MMP2: variants seen among roughly 807,000 people sequenced by gnomAD.
MMP2 encodes the protein 72 kDa type IV collagenase.
A neutral mutation model predicts 74.8 loss-of-function variants in MMP2; 39 were observed. The observed-to-expected ratio is 0.52, with a 90% confidence interval of 0.40 to 0.68. The LOEUF (loss-of-function observed/expected upper bound fraction) is 0.68. MMP2 is among the 30% of genes least tolerant of loss of function. The pLI is 0.00. For synonymous variants in MMP2, 367 were observed against 339.8 expected, an observed-to-expected ratio of 1.08 and a Z score of -0.88; for missense variants, 803 against 878.3, an observed-to-expected ratio of 0.91 and a Z score of 1.08.
rs545882613 is a variant in MMP2, at chr16:55,499,472, G to A, written c.1769+1024G>A. Among the ~76,000 whole-genome samples the A allele has an allele frequency of 1.3e-4, 20 of 152,208 alleles. No individual in the cohort carries two copies. In the East Asian group the frequency reaches 3.3e-3, roughly 25 times the overall value. Reference sequence around the variant, plus strand: ...GTGCCCTGTGTCATGCTCACAGCAGGCCCGTGGCTGTGGGTGCAGGTTGGC... The same window carrying A: ...GTGCCCTGTGTCATGCTCACAGCAGACCCGTGGCTGTGGGTGCAGGTTGGC... On this transcript the variant is annotated intron_variant, in intron 11 of 12. Transcript: ENST00000219070.
chr16:55,495,471 T>A (rs1378366839), intron 9 of MMP2, among the ~76,000 whole-genome samples: 1 of 152,084 alleles, frequency 6.6e-6, no homozygotes, highest in Non-Finnish European at 1.5e-5. Flanking sequence ...CTGGTGAGGG[T>A]GGGGGTCATG....
chr16:55,482,740 C>T (rs1962135795), intron 1 of MMP2, among the ~76,000 whole-genome samples, 169 bp from the exon 2 acceptor site: 1 of 152,210 alleles, frequency 6.6e-6, no homozygotes, highest in Non-Finnish European at 1.5e-5. Flanking sequence ...TAATGGGTGA[C>T]CGTGCTGGTT....
Position 55,491,718 on chromosome 16 carries a change from G to T in MMP2, c.1181-83G>T, listed in dbSNP as rs542347401. The T allele has an allele frequency of 7.1e-5, 107 of 1,510,490 alleles. No homozygotes were observed. In the African/African-American group the frequency reaches 1.3e-3, roughly 19 times the overall value. The allele number at this position is 1,510,490 out of a possible 1,614,324, so 93.6% of individuals were successfully genotyped here. ...CCTTACTGTGGGGCTGTCCTCAAAA[G>T]TCTGCATCACTGGGTCAGGTCTTGA... On this transcript the variant is annotated intron_variant, in intron 7 of 12. Coordinates refer to ENST00000219070, the MANE Select transcript of MMP2 (RefSeq NM_004530.6).
rs1962034896 is a variant in MMP2, at chr16:55,479,322, C to T, written c.-158C>T. The T allele has an allele frequency of 1.2e-6, 1 of 859,686 alleles. No homozygotes were observed. The highest frequency in any genetic ancestry group is 1.5e-6 in the Non-Finnish European group (1 of 648,032). The allele number at this position is 859,686 out of a possible 1,614,324, so 53.3% of individuals were successfully genotyped here. ...CGGGGGCTGGGGCGCGGGGGCCGGA[C>T]CATGAGCCGCTGAGCCGGGCAAACC... is the stretch of plus-strand genomic sequence containing the variant. On this transcript the variant is annotated 5_prime_UTR_variant, in exon 1 of 13. Transcript: ENST00000219070.
chr16:55,480,918 T>A (rs1477334618), intron 1 of MMP2, among the ~76,000 whole-genome samples: 3 of 152,060 alleles, frequency 2.0e-5, no homozygotes, highest in African/African-American at 7.2e-5. Context: ...ATGTGGCTGT[T>A]GGGTGGGGGT....
intron 11 of MMP2, among the ~76,000 whole-genome samples, chr16:55,501,813 G>A (rs1962674452): frequency 6.6e-6 from 1 of 152,092 alleles, no homozygotes; most frequent in Non-Finnish European, 1.5e-5. Flanking sequence ...CTACCAGGAT[G>A]GGATGCGAAC....
intron 7 of MMP2, among the ~76,000 whole-genome samples, chr16:55,490,240 G>A (rs1375550738): frequency 6.6e-6 from 1 of 152,182 alleles, no homozygotes; most frequent in Non-Finnish European, 1.5e-5. Context: ...GCACAAAGAG[G>A]TGCCTTCAAG....
intron 2 of MMP2, 75 bp from the exon 3 acceptor site, chr16:55,483,941 G>A: frequency 6.6e-7 from 1 of 1,518,266 alleles, no homozygotes; most frequent in South Asian, 1.1e-5. Context: ...ATACATCTGT[G>A]CACACACACA....
rs1329773523 is a variant in MMP2, at chr16:55,489,761, A to G, written c.1117A>G (p.Met373Val). 6.2e-7 allele frequency: 1 copy of G among 1,614,140 alleles called. No homozygotes were observed. Among genetic ancestry groups the G allele is most frequent in the Non-Finnish European group, 8.5e-7 (1 of 1,180,028 alleles). ...CAGCGCCGGCCGCAGTGACGGAAAG[A>G]TGTGGTGTGCGACCACAGCCAACTA... ...CTSAGRSDGK[M>V]WCATTANYDD... is the part of the protein sequence containing the mutation. The change falls in exon 7 of 13, where the codon ATG (methionine) becomes GTG (valine). Residue 373 changes from methionine (M) to valine (V), a missense_variant. Physicochemically the swap from Met to Val is conservative, Grantham distance 21. Coordinates refer to ENST00000219070, the MANE Select transcript of MMP2 (RefSeq NM_004530.6).
chr16:55,501,939 G>T (rs1458882321), intron 11 of MMP2, among the ~76,000 whole-genome samples: 2 of 152,122 alleles, frequency 1.3e-5, no homozygotes, highest in Non-Finnish European at 2.9e-5. Context: ...AGAGGCAAAG[G>T]AATCAACATG....
rs371188032 is a variant in MMP2, at chr16:55,484,091, C to T, written c.456C>T (p.Ser152=). The T allele has an allele frequency of 3.3e-5, 54 of 1,614,008 alleles. No homozygotes were observed. The highest frequency in any genetic ancestry group is 1.6e-4 in the Middle Eastern group (1 of 6,084). Residue 152 remains serine (S), a synonymous_variant, in exon 3 of 13, where the codon AGC becomes AGT. Coordinates refer to ENST00000219070, the MANE Select transcript of MMP2 (RefSeq NM_004530.6). ...DAFARAFQVW[S]DVTPLRFSRI... Reference sequence around the variant, plus strand: ...TTGCTCGTGCCTTCCAAGTCTGGAGCGATGTGACCCCACTGCGGTTTTCTC... The same window carrying T: ...TTGCTCGTGCCTTCCAAGTCTGGAGTGATGTGACCCCACTGCGGTTTTCTC...
At chr16:55,479,921 T>G in intron 1 of MMP2, 1 of 315,336 alleles carries the variant, frequency 3.2e-6, no homozygotes, top group Non-Finnish European at 5.7e-6. Flanking sequence ...GGCAAACTAC[T>G]GGAAAGGGAC....
In MMP2 at chr16:55,500,494, T is replaced by TACACACACACACAAACAC. The variant is rs373871004; in HGVS notation, c.1769+2059_1769+2060insAACACACACACACACACA. Among the ~76,000 whole-genome samples the TACACACACACACAAACAC allele has an allele frequency of 2.1e-4, 28 of 136,190 alleles. 1 individual carries two copies. Among genetic ancestry groups the TACACACACACACAAACAC allele is most frequent in the African/African-American group, 7.8e-4 (27 of 34,814 alleles). The allele number at this position is 136,190 out of a possible 152,430, so 89.3% of individuals were successfully genotyped here. On this transcript the variant is annotated intron_variant, in intron 11 of 12. Coordinates refer to ENST00000219070, the MANE Select transcript of MMP2 (RefSeq NM_004530.6). ...ACATGATTGTGTGCGCATGTGCGCA[T>TACACACACACACAAACAC]ACACACACACACACACACACACACA...
Position 55,479,537 on chromosome 16 carries a change from C to T in MMP2, c.58C>T (p.Leu20=). 1 of 1,610,976 alleles carries T rather than the reference C, an allele frequency of 6.2e-7. No individual in the cohort carries two copies. The highest frequency in any genetic ancestry group is 8.5e-7 in the Non-Finnish European group (1 of 1,179,106). Residue 20 remains leucine, a synonymous_variant, in exon 1 of 13, where the codon CTG becomes TTG. Coordinates refer to ENST00000219070, the MANE Select transcript of MMP2 (RefSeq NM_004530.6). ...LTGPLRALCL[L]GCLLSHAAAA... ...GGGTCCCCTGAGGGCGCTCTGTCTC[C>T]TGGGCTGCCTGCTGAGCCACGCCGC... is the stretch of plus-strand genomic sequence containing the variant.
chr16:55,505,226 C>A, intron 12 of MMP2, 113 bp from the exon 13 acceptor site: 1 of 931,304 alleles, frequency 1.1e-6, no homozygotes, highest in Non-Finnish European at 1.8e-6. Flanking sequence ...AAGCTCTCTT[C>A]TCGTTTAAAA....
Position 55,479,478 on chromosome 16 carries a change from C to A in MMP2, c.-2C>A, listed in dbSNP as rs777848153. 636 of 1,563,690 alleles carry A rather than the reference C, an allele frequency of 4.1e-4. No homozygotes were observed. The highest frequency in any genetic ancestry group is 5.3e-4 in the Non-Finnish European group (615 of 1,154,966). ...CGACGCGCGGGGCCAGGGAGCGCTA[C>A]GATGGAGGCGCTAATGGCCCGGGGC... On this transcript the variant is annotated 5_prime_UTR_variant, in exon 1 of 13. Transcript: ENST00000219070.
intron 1 of MMP2, chr16:55,481,822 A>C (rs904681421): frequency 4.0e-6 from 3 of 750,062 alleles, no homozygotes; most frequent in Admixed American, 1.8e-5. Context: ...GCAAACTGGG[A>C]AATTTCCTAT....
chr16:55,483,170 G>C (rs1209276608), intron 2 of MMP2, 35 bp downstream of exon 2: 1 of 1,561,840 alleles, frequency 6.4e-7, no homozygotes, highest in Non-Finnish European at 8.8e-7. Context: ...CAGGGCCATG[G>C]GGCTGAGGGA....
Position 55,493,255 on chromosome 16 carries a change from C to A in MMP2, c.1434C>A (p.Ile478=). 6.2e-7 allele frequency: 1 copy of A among 1,614,152 alleles called. No homozygotes were observed. Among genetic ancestry groups the A allele is most frequent in the Non-Finnish European group, 8.5e-7 (1 of 1,180,032 alleles). ...AACAGGACATTGTATTTGATGGCATCGCTCAGATCCGTGGTGAGATCTTCT... is the reference window on the plus strand; with the variant it reads ...AACAGGACATTGTATTTGATGGCATAGCTCAGATCCGTGGTGAGATCTTCT... The part of the protein sequence containing the change: ...ICKQDIVFDG[I]AQIRGEIFFF... Residue 478 remains isoleucine, a synonymous_variant, in exon 9 of 13, where the codon ATC becomes ATA. Transcript: ENST00000219070.
Sources: allele counts gnomAD v4.1 joint callset (sites outside exome capture counted in the v4.1 genomes callset), GRCh38; gene constraint gnomAD v4.1.1; transcripts MANE v1.5; gene names NCBI Gene and HGNC (gene_info 2026-07-23, HGNC 2026-07-21).